Variants in CDH12 observed in about 807,000 individuals in gnomAD.
The protein encoded by CDH12 is cadherin 12, also known as cadherin-12.
A neutral mutation model predicts 74.1 loss-of-function variants in CDH12; 41 were observed. The ratio of observed to expected loss-of-function variants is 0.55; its 90% CI spans 0.43 to 0.72. The LOEUF (loss-of-function observed/expected upper bound fraction) is 0.72. Ranked by LOEUF, CDH12 falls within the 30% of genes least tolerant of loss-of-function variation. The pLI, the probability that CDH12 is intolerant of heterozygous loss-of-function variation, is 0.00. For missense variants in CDH12, 945 were observed against 977.2 expected (o/e 0.97, Z 0.44); for synonymous variants, 399 against 355.0 (o/e 1.12, Z -1.39).
chr5:22,301,175 C>A (rs185404306), intron 3 of CDH12, among the ~76,000 whole-genome samples: 6 of 152,016 alleles, frequency 3.9e-5, no homozygotes, highest in Admixed American at 3.9e-4. Context: ...TCTACCCAGG[C>A]GTATTTAAAA....
At chr5:21,981,273 C>CTTT (rs10646568) in intron 5 of CDH12, among the ~76,000 whole-genome samples, 1 of 151,606 alleles carries the variant, frequency 6.6e-6, no homozygotes, top group African/African-American at 2.4e-5. Context: ...AGAATGTATC[C>CTTT]TTTTCTTCTT....
chr5:22,541,160 CA>C (rs1738082715), intron 1 of CDH12, among the ~76,000 whole-genome samples: 1 of 152,114 alleles, frequency 6.6e-6, no homozygotes, highest in South Asian at 2.1e-4. Flanking sequence ...CCTATCAAGC[CA>C]TCAAAGATCC....
At chr5:21,761,979 G>T (rs1285814171) in intron 12 of CDH12, among the ~76,000 whole-genome samples, 1 of 152,050 alleles carries the variant, frequency 6.6e-6, no homozygotes, top group Non-Finnish European at 1.5e-5. Context: ...ATGGAATGTG[G>T]CAACTTAGTC....
chr5:22,641,629 A>G (rs898942612), intron 1 of CDH12, among the ~76,000 whole-genome samples: 1 of 152,080 alleles, frequency 6.6e-6, no homozygotes, highest in African/African-American at 2.4e-5. Context: ...TTCTTTGAAT[A>G]TGCTGGATTT....
intron 1 of CDH12, among the ~76,000 whole-genome samples, chr5:22,560,880 A>G (rs1345266001): frequency 1.3e-5 from 2 of 152,084 alleles, no homozygotes; most frequent in Non-Finnish European, 2.9e-5. Context: ...TATGCTTACT[A>G]GAGTAGAATG....
intron 14 of CDH12, 135 bp from the exon 15 acceptor site, chr5:21,752,371 A>G: frequency 5.7e-6 from 4 of 700,906 alleles, no homozygotes; most frequent in Non-Finnish European, 9.5e-6. Flanking sequence ...TAAACATACC[A>G]TAATCAATAG....
At chr5:22,088,053 TA>T (rs1233909748) in intron 4 of CDH12, among the ~76,000 whole-genome samples, 1 of 152,108 alleles carries the variant, frequency 6.6e-6, no homozygotes, top group Non-Finnish European at 1.5e-5. Context: ...GGACTGAATT[TA>T]AAAAAATGAT....
intron 5 of CDH12, among the ~76,000 whole-genome samples, chr5:22,013,602 C>T (rs1737421377): frequency 6.6e-6 from 1 of 152,078 alleles, no homozygotes; most frequent in East Asian, 1.9e-4. Flanking sequence ...TTAAGAGTGT[C>T]TAATATTATC....
chr5:22,138,687 T>G (rs1746596497), intron 4 of CDH12, among the ~76,000 whole-genome samples: 2 of 150,278 alleles, frequency 1.3e-5, no homozygotes, highest in African/African-American at 4.9e-5. Context: ...TGCAGGATCT[T>G]AATTTTAACA....
intron 1 of CDH12, among the ~76,000 whole-genome samples, chr5:22,698,488 T>C (rs879473374): frequency 6.6e-6 from 1 of 151,326 alleles, no homozygotes; most frequent in Non-Finnish European, 1.5e-5. Flanking sequence ...CACTTAGTCA[T>C]TGAAGCTCGT....
At chr5:21,783,106 T>C (rs572236536) in intron 11 of CDH12, among the ~76,000 whole-genome samples, 1 of 151,840 alleles carries the variant, frequency 6.6e-6, no homozygotes, top group South Asian at 2.1e-4. Context: ...GGGTAAAGCA[T>C]AGAACAGGAT....
chr5:22,795,209 T>G (rs1748130932), intron 1 of CDH12, among the ~76,000 whole-genome samples: 1 of 152,154 alleles, frequency 6.6e-6, no homozygotes, highest in African/African-American at 2.4e-5. Flanking sequence ...TTCAAATGAC[T>G]AACTTTTAGA....
At chr5:22,327,587 A>G (rs1739175974) in intron 3 of CDH12, among the ~76,000 whole-genome samples, 1 of 152,134 alleles carries the variant, frequency 6.6e-6, no homozygotes, top group South Asian at 2.1e-4. Context: ...ACGTAAAATA[A>G]TTTATTCTTT....
chr5:21,792,706 C>T (rs1305544330), intron 10 of CDH12, among the ~76,000 whole-genome samples: 1 of 150,692 alleles, frequency 6.6e-6, no homozygotes, highest in Non-Finnish European at 1.5e-5. Flanking sequence ...GTTATCTGAC[C>T]ACTGTATTTT....
At chr5:22,059,355 CTAT>C (rs1741016209) in intron 5 of CDH12, among the ~76,000 whole-genome samples, 1 of 105,028 alleles carries the variant, frequency 9.5e-6, no homozygotes, top group African/African-American at 6.3e-5. Flanking sequence ...ATCTATCTAT[CTAT>C]CTATCTATCT....
intron 8 of CDH12, among the ~76,000 whole-genome samples, chr5:21,822,682 GT>G (rs570195945): frequency 1.1e-3 from 172 of 152,158 alleles, no homozygotes; most frequent in African/African-American, 4.0e-3. Context: ...GATGGGCATA[GT>G]TTTTAAGTGT....
At chr5:22,811,221 A>C (rs2126448807) in intron 1 of CDH12, among the ~76,000 whole-genome samples, 1 of 152,136 alleles carries the variant, frequency 6.6e-6, no homozygotes, top group East Asian at 1.9e-4. Flanking sequence ...GAGAGAGGAG[A>C]GATCATCTGG....
chr5:22,012,505 A>G (rs1177455333), intron 5 of CDH12, among the ~76,000 whole-genome samples: 1 of 152,120 alleles, frequency 6.6e-6, no homozygotes, highest in Non-Finnish European at 1.5e-5. Flanking sequence ...TTTGTCTTTC[A>G]GTTGACAGTG....
At chr5:22,490,785 T>G (rs145977951) in intron 2 of CDH12, among the ~76,000 whole-genome samples, 1 of 152,216 alleles carries the variant, frequency 6.6e-6, no homozygotes, top group Non-Finnish European at 1.5e-5. Context: ...ATAGTGAAAA[T>G]GTAGGGAGAA....
Sources: allele counts gnomAD v4.1 joint callset (sites outside exome capture counted in the v4.1 genomes callset), GRCh38; gene constraint gnomAD v4.1.1; transcripts MANE v1.5; gene names NCBI Gene and HGNC (gene_info 2026-07-23, HGNC 2026-07-21).